STK40: variants seen among roughly 807,000 people sequenced by gnomAD.
STK40 encodes serine/threonine kinase 40.
Under a neutral mutation model 47.9 loss-of-function variants are expected in STK40, and 13 were observed. The ratio of observed to expected loss-of-function variants is 0.27; its 90% confidence interval spans 0.18 to 0.43. The LOEUF (loss-of-function observed/expected upper bound fraction) is 0.43. Among genes scored for constraint, STK40 ranks in the 20% least tolerant of loss-of-function variants. The pLI, the probability that STK40 is intolerant of heterozygous loss-of-function variation, is 1.00. For synonymous variants in STK40, 225 were observed against 243.2 expected (o/e 0.93, Z 0.69); for missense variants, 460 against 595.1 (o/e 0.77, Z 2.36).
chr1:36,347,003 C>T (rs1646708724), intron 7 of STK40, among the ~76,000 whole-genome samples: 2 of 152,224 alleles, frequency 1.3e-5, no homozygotes, highest in Admixed American at 1.3e-4. Flanking sequence ...ATACCCCTGG[C>T]ACCCAGTTCC....
At position 36,358,253 on chromosome 1, in the gene STK40, G is replaced by C; in HGVS notation, c.328C>G (p.His110Asp). 6.3e-7 allele frequency: 1 copy of C among 1,592,634 alleles called. No homozygotes were observed. Among genetic ancestry groups the C allele is most frequent in the Non-Finnish European group, 8.6e-7 (1 of 1,162,528 alleles). Residue 110 changes from histidine (H) to aspartate (D), a missense_variant, in exon 4 of 11, where the codon CAC becomes GAC. This residue lies in a region of STK40 where 277 missense variants were observed against 358.7 expected (regional missense o/e 0.77). Coordinates refer to ENST00000373132, the MANE Select transcript of STK40 (RefSeq NM_001282547.2). ...LHTQDGVVHH[H>D]GLFQDRTCEI... is the part of the protein sequence containing the mutation. ...AGGCCGCTCACCTGGAAGAGGCCGT[G>C]GTGGTGCACCACGCCATCCTGCGTG... is the stretch of plus-strand genomic sequence containing the variant.
chr1:36,345,991 A>ATTTT (rs143130232), intron 7 of STK40, among the ~76,000 whole-genome samples: 437 of 26,464 alleles, frequency 0.017, 83 homozygotes, highest in Admixed American at 0.13. Flanking sequence ...ATATATATAT[A>ATTTT]TTTTTTTTTT....
In STK40 at chr1:36,341,664, G is replaced by T; in HGVS notation, c.*91C>A. 1 of 1,497,952 alleles carries T rather than the reference G, an allele frequency of 6.7e-7. No homozygotes were observed. Among genetic ancestry groups the T allele is most frequent in the Non-Finnish European group, 9.1e-7 (1 of 1,095,242 alleles). 92.8% of individuals were successfully genotyped at this position (1,497,952 alleles called of 1,614,324 possible). ...CCTGTCCCTATTGTGGCCCGGGAGA[G>T]TCCAGCACTACAGGGCCCAGCCCTG... On this transcript the variant is annotated 3_prime_UTR_variant, in exon 11 of 11. Coordinates refer to ENST00000373132, the MANE Select transcript of STK40 (RefSeq NM_001282547.2).
intron 4 of STK40, among the ~76,000 whole-genome samples, chr1:36,356,355 G>C (rs1327377766): frequency 2.6e-5 from 4 of 151,998 alleles, no homozygotes; most frequent in African/African-American, 7.3e-5. Flanking sequence ...TGTCATGCGG[G>C]GTAGACTGAC....
intron 1 of STK40, among the ~76,000 whole-genome samples, chr1:36,375,712 AAAATT>A (rs918485848): frequency 2.0e-5 from 3 of 152,054 alleles, no homozygotes; most frequent in African/African-American, 7.2e-5. Context: ...GCCTCTGTTA[AAAATT>A]AAATTAAATT....
At chr1:36,375,037 A>G (rs781116318) in intron 1 of STK40, among the ~76,000 whole-genome samples, 2 of 152,178 alleles carry the variant, frequency 1.3e-5, no homozygotes, top group Non-Finnish European at 2.9e-5. Context: ...CAACCGCAGA[A>G]CAACTGGTTG....
chr1:36,361,182 TC>T (rs745651442), intron 2 of STK40, 38 bp downstream of exon 2: 6 of 1,611,800 alleles, frequency 3.7e-6, no homozygotes, highest in East Asian at 4.5e-5. Flanking sequence ...TGCCCCTGCC[TC>T]CCAGCCCACC....
chr1:36,343,211 C>G, intron 10 of STK40, 153 bp downstream of exon 10: 1 of 867,194 alleles, frequency 1.2e-6, no homozygotes, highest in Non-Finnish European at 1.9e-6. Context: ...AGGCTGAGGA[C>G]TGAAGTCTCC....
Position 36,355,370 on chromosome 1 carries a change from G to A in STK40, c.406C>T (p.Arg136Cys), listed in dbSNP as rs766507697. ...AGGCAGTCCAGGACGAGGCAGATGC[G>A]CTTCTTCATCTTCTTAACCATCCGG... Reference protein sequence around the residue: ...SSRMVKKMKKRICLVLDCLCA... With the variant: ...SSRMVKKMKKCICLVLDCLCA... Residue 136 changes from arginine (R) to cysteine (C), a missense_variant, in exon 5 of 11, where the codon CGC becomes TGC. Arg to Cys is a radical substitution (Grantham distance 180, BLOSUM62 -3). Coordinates refer to ENST00000373132, the MANE Select transcript of STK40 (RefSeq NM_001282547.2). The A allele has an allele frequency of 3.7e-6, 6 of 1,614,170 alleles. No individual in the cohort carries two copies. The highest frequency in any genetic ancestry group is 1.7e-5 in the Admixed American group (1 of 60,016).
At position 36,341,760 on chromosome 1, in the gene STK40, T is replaced by G; in HGVS notation, c.1303A>C (p.Lys435Gln). ...TAILAQRYLRK is the reference protein window; with the variant it reads ...TAILAQRYLRQ ...GGTGGCCCCGGCTGAGGCTGTTATT[T>G]CCGCAGGTAGCGCTGCGCCAGGATG... Residue 435 changes from lysine (K) to glutamine (Q), a missense_variant, in exon 11 of 11, where the codon AAA becomes CAA. Around this residue, in one of 3 missense-constraint regions of STK40, gnomAD observed 181 missense variants for 218.9 expected, o/e 0.83. Transcript: ENST00000373132. 1 of 1,610,604 alleles carries G rather than the reference T, an allele frequency of 6.2e-7. No individual in the cohort carries two copies. Among genetic ancestry groups the G allele is most frequent in the Non-Finnish European group, 8.5e-7 (1 of 1,178,772 alleles).
At chr1:36,363,145 ACT>A (rs1234568825) in intron 1 of STK40, among the ~76,000 whole-genome samples, 1 of 150,792 alleles carries the variant, frequency 6.6e-6, no homozygotes, top group Non-Finnish European at 1.5e-5. Flanking sequence ...ACAGAGTAAG[ACT>A]CTGTCTCAAA....
intron 6 of STK40, among the ~76,000 whole-genome samples, chr1:36,353,093 G>A (rs542000098): frequency 6.6e-6 from 1 of 152,336 alleles, no homozygotes; most frequent in African/African-American, 2.4e-5. Context: ...AGGACAGTGG[G>A]CCTCGGGCCC....
chr1:36,343,551 G>A (rs1283784122), intron 9 of STK40, 103 bp from the exon 10 acceptor site: 2 of 1,149,026 alleles, frequency 1.7e-6, no homozygotes, highest in African/African-American at 1.5e-5. Context: ...CCTGCCATGA[G>A]AGACTGCTTC....
chr1:36,344,249 C>T lies in STK40; in HGVS notation c.755G>A (p.Gly252Asp). 2 of 1,607,186 alleles carry T rather than the reference C, an allele frequency of 1.2e-6. No homozygotes were observed. Among genetic ancestry groups the T allele is most frequent in the Non-Finnish European group, 1.7e-6 (2 of 1,176,816 alleles). Residue 252 changes from glycine (G) to aspartate (D), a missense_variant, in exon 8 of 11, where the codon GGC (glycine) becomes GAC (aspartate). Transcript: ENST00000373132. ...PDVLSGRPYRGKPSDMWALGV... is the reference protein window; with the variant it reads ...PDVLSGRPYRDKPSDMWALGV... ...CAGGGCCCACATGTCACTGGGCTTG[C>T]CACGGTACGGCCGGCCTACGGGCAC...
chr1:36,352,899 A>G (rs1056584213), intron 6 of STK40, among the ~76,000 whole-genome samples: 1 of 152,232 alleles, frequency 6.6e-6, no homozygotes, highest in African/African-American at 2.4e-5. Flanking sequence ...AGGATGGAGA[A>G]TGCTTAGCAG....
chr1:36,367,757 A>C (rs1242342454), intron 1 of STK40: 1 of 965,800 alleles, frequency 1.0e-6, no homozygotes, highest in Non-Finnish European at 1.2e-6. Flanking sequence ...AAGGAGCTGA[A>C]GCCTGGCCAA....
intron 7 of STK40, among the ~76,000 whole-genome samples, chr1:36,345,224 C>T (rs983846946): frequency 2.0e-5 from 3 of 152,264 alleles, no homozygotes; most frequent in Non-Finnish European, 4.4e-5. Context: ...GAACACAACT[C>T]CGTTCTCCGT....
chr1:36,379,398 C>CT (rs55738958), intron 1 of STK40, among the ~76,000 whole-genome samples: 37,394 of 138,780 alleles, frequency 0.27, 5,350 homozygotes, highest in African/African-American at 0.34. Flanking sequence ...GTTGTAGCCT[C>CT]TTTTTTTTTT....
intron 6 of STK40, among the ~76,000 whole-genome samples, chr1:36,350,719 G>A (rs1314303176): frequency 5.9e-5 from 9 of 152,230 alleles, no homozygotes; most frequent in Non-Finnish European, 1.2e-4. Flanking sequence ...GGAGGCGGTA[G>A]GGGAGAGGTG....
Sources: gnomAD v4.1 joint callset for allele counts (sites outside exome capture counted in the v4.1 genomes callset) on GRCh38, gnomAD v4.1.1 for gene constraint, gnomAD v4.1.1 regional missense constraint, MANE v1.5 for transcripts, NCBI Gene and HGNC (gene_info 2026-07-23, HGNC 2026-07-21) for gene names.